Variants in PRKCH observed in about 807,000 individuals in gnomAD.
PRKCH encodes the protein protein kinase C eta type.
Under a neutral mutation model 82.5 loss-of-function variants are expected in PRKCH, and 28 were observed. That is an observed-to-expected ratio of 0.34 (90% CI 0.25 to 0.47). The LOEUF is 0.47. Among genes scored for constraint, PRKCH ranks in the 20% least tolerant of loss-of-function variants. The pLI, the probability that PRKCH is intolerant of heterozygous loss-of-function variation, is 1.00. For missense variants in PRKCH, 705 were observed against 881.8 expected, an observed-to-expected ratio of 0.80 and a Z score of 2.54; for synonymous variants, 322 against 327.4, an observed-to-expected ratio of 0.98 and a Z score of 0.18.
intron 1 of PRKCH, among the ~76,000 whole-genome samples, chr14:61,346,995 A>T (rs2046001981): frequency 6.6e-6 from 1 of 152,170 alleles, no homozygotes; most frequent in East Asian, 1.9e-4. Flanking sequence ...ATTTTACCGT[A>T]TGTTTACTTT....
chr14:61,538,515 C>G (rs149577656), intron 12 of PRKCH, among the ~76,000 whole-genome samples: 1 of 152,176 alleles, frequency 6.6e-6, no homozygotes, highest in Non-Finnish European at 1.5e-5. Flanking sequence ...GGTTGGAAGT[C>G]CTTACATTTT....
chr14:61,301,577 C>T (rs920893569), intron 1 of PRKCH, among the ~76,000 whole-genome samples: 2 of 152,216 alleles, frequency 1.3e-5, no homozygotes, highest in African/African-American at 4.8e-5. Context: ...CACTGAGGCT[C>T]ATGCCTATAA....
chr14:61,342,745 C>T (rs1327250375), intron 1 of PRKCH, among the ~76,000 whole-genome samples: 1 of 152,234 alleles, frequency 6.6e-6, no homozygotes, highest in Non-Finnish European at 1.5e-5. Flanking sequence ...TGCAAATTTT[C>T]CAGTGTGTTC....
At chr14:61,537,923 G>A (rs2043133108) in intron 12 of PRKCH, 1 of 152,280 alleles carries the variant, frequency 6.6e-6, no homozygotes, top group Admixed American at 6.5e-5. Context: ...GCACAAAGGA[G>A]GGAGAACCAC....
intron 1 of PRKCH, among the ~76,000 whole-genome samples, chr14:61,249,557 T>C (rs1023627867): frequency 1.3e-5 from 2 of 150,122 alleles, no homozygotes; most frequent in African/African-American, 4.9e-5. Flanking sequence ...TTGACATAAG[T>C]GTGAAGACCA....
chr14:61,315,995 G>A lies in PRKCH; in HGVS notation c.-19+128327G>A, dbSNP rs188098850. Among the ~76,000 whole-genome samples, 917 of 152,178 alleles carry A rather than the reference G, an allele frequency of 6.0e-3. 6 individuals carry two copies. The highest frequency in any genetic ancestry group is 0.021 in the African/African-American group (887 of 41,530). On this transcript the variant is annotated intron_variant, in intron 1 of 3. Coordinates refer to the PRKCH transcript ENST00000555185. ...ACTCCTGACCTCAGGTGATCCACCT[G>A]CCTCGGCCTCCCAAACTGCTGGGAT...
At chr14:61,249,582 A>C (rs954127129) in intron 1 of PRKCH, among the ~76,000 whole-genome samples, 3 of 150,940 alleles carry the variant, frequency 2.0e-5, no homozygotes, top group Non-Finnish European at 2.9e-5. Flanking sequence ...AAACAGGTAT[A>C]GAGATTACCA....
chr14:61,260,068 A>G (rs1303116950), intron 1 of PRKCH, among the ~76,000 whole-genome samples: 2 of 152,218 alleles, frequency 1.3e-5, no homozygotes, highest in Non-Finnish European at 2.9e-5. Flanking sequence ...CATTAATATG[A>G]AACTTCCGTA....
intron 1 of PRKCH, among the ~76,000 whole-genome samples, chr14:61,231,555 G>C (rs969989064): frequency 6.6e-6 from 1 of 151,978 alleles, no homozygotes; most frequent in African/African-American, 2.4e-5. Flanking sequence ...TGTATTTTTA[G>C]TAGAGACAGG....
At chr14:61,308,310 C>T (rs151312893) in intron 1 of PRKCH, among the ~76,000 whole-genome samples, 51 of 152,298 alleles carry the variant, frequency 3.3e-4, no homozygotes, top group Admixed American at 7.2e-4. Context: ...TTATCTAAAA[C>T]GGAGTCCAAG....
chr14:61,410,107 G>A (rs189005043), intron 2 of PRKCH, among the ~76,000 whole-genome samples: 1 of 152,282 alleles, frequency 6.6e-6, no homozygotes, highest in East Asian at 1.9e-4. Context: ...ATAAGTTAAA[G>A]TGTGTGTTGA....
chr14:61,307,076 C>G (rs987451998), intron 1 of PRKCH: 1 of 152,116 alleles, frequency 6.6e-6, no homozygotes, highest in Non-Finnish European at 1.5e-5. Context: ...ACCTTGTTCA[C>G]TGGTACAAGA....
intron 1 of PRKCH, among the ~76,000 whole-genome samples, chr14:61,206,602 C>T (rs1160453587): frequency 6.6e-6 from 1 of 152,170 alleles, no homozygotes; most frequent in African/African-American, 2.4e-5. Flanking sequence ...AGTACTCAGA[C>T]TTCCATGTCT....
intron 1 of PRKCH, among the ~76,000 whole-genome samples, chr14:61,218,373 T>C (rs1254062185): frequency 2.0e-5 from 3 of 152,186 alleles, no homozygotes; most frequent in Non-Finnish European, 4.4e-5. Flanking sequence ...AACGGAAGCA[T>C]GACTGAGCTA....
intron 10 of PRKCH, among the ~76,000 whole-genome samples, chr14:61,495,665 G>A (rs893078655): frequency 2.0e-5 from 3 of 152,104 alleles, no homozygotes; most frequent in Admixed American, 6.5e-5. Flanking sequence ...TGTTCTTTCC[G>A]TTAACAAATA....
At chr14:61,488,427 A>G (rs369266942) in intron 10 of PRKCH, among the ~76,000 whole-genome samples, 2 of 152,232 alleles carry the variant, frequency 1.3e-5, no homozygotes, top group East Asian at 3.8e-4. Context: ...TAACAATAAT[A>G]GTGTCCACAC....
chr14:61,500,011 G>A (rs1951962), intron 10 of PRKCH, among the ~76,000 whole-genome samples: 130,555 of 150,532 alleles, frequency 0.87, 56,661 homozygotes, highest in Middle Eastern at 0.9. Context: ...CGCTCGTTCT[G>A]GCTGTTTCTT....
At chr14:61,289,242 A>C (rs977152754) in intron 1 of PRKCH, among the ~76,000 whole-genome samples, 4 of 152,226 alleles carry the variant, frequency 2.6e-5, no homozygotes, top group African/African-American at 9.6e-5. Context: ...CAGCATGATG[A>C]GAATCTAGAT....
At chr14:61,500,785 C>T (rs886346382) in intron 10 of PRKCH, among the ~76,000 whole-genome samples, 6 of 151,970 alleles carry the variant, frequency 3.9e-5, no homozygotes, top group African/African-American at 9.7e-5. Flanking sequence ...GGGTGAATTA[C>T]CAAAGATGAA....
Sources: gnomAD v4.1 joint callset for allele counts (sites outside exome capture counted in the v4.1 genomes callset) on GRCh38, gnomAD v4.1.1 for gene constraint, MANE v1.5 for transcripts, NCBI Gene and HGNC (gene_info 2026-07-23, HGNC 2026-07-21) for gene names.